JAKMIP3: variants seen among roughly 807,000 people sequenced by gnomAD.
JAKMIP3 encodes the protein Janus kinase and microtubule interacting protein 3.
Under a neutral mutation model 118.5 loss-of-function variants are expected in JAKMIP3, and 58 were observed. The ratio of observed to expected loss-of-function variants is 0.49; its 90% CI spans 0.40 to 0.61. The LOEUF (loss-of-function observed/expected upper bound fraction) is 0.61. Ranked by LOEUF, JAKMIP3 falls within the 20% of genes least tolerant of loss-of-function variation. The pLI, the probability that JAKMIP3 is intolerant of heterozygous loss-of-function variation, is 0.00. For missense variants in JAKMIP3, 950 were observed against 1,109.0 expected, an observed-to-expected ratio of 0.86 and a Z score of 2.04; for synonymous variants, 486 against 451.2, an observed-to-expected ratio of 1.08 and a Z score of -0.98.
At chr10:132,105,047 C>A in intron 2 of JAKMIP3, 104 bp downstream of exon 2, 2 of 1,339,402 alleles carry the variant, frequency 1.5e-6, no homozygotes, top group East Asian at 5.1e-5. Context: ...CCTGTGGAAA[C>A]CCCCACCCAG....
At position 132,068,071 on chromosome 10, in the gene JAKMIP3, ACTGTGGGTTTCTG is replaced by A. The variant is rs1192393597; in HGVS notation, c.-138+2011_-138+2023del. On this transcript the variant is annotated intron_variant, in intron 1 of 23. Coordinates refer to ENST00000684848, the MANE Select transcript of JAKMIP3 (RefSeq NM_001323087.2). ...GTGTGGACTGTGGGCTTCCGTGTGG[ACTGTGGGTTTCTG>A]TGTGGACTGTGGGTTTCTGTGTGGT... Among the ~76,000 whole-genome samples, 20 of 24,774 alleles carry A rather than the reference ACTGTGGGTTTCTG, an allele frequency of 8.1e-4. No individual in the cohort carries two copies. The East Asian group carries it at 0.031, about 38-fold the overall frequency. The allele number at this position is 24,774 out of a possible 152,430, so 16.3% of individuals were successfully genotyped here.
At position 132,049,664 on chromosome 10, in the gene JAKMIP3, A is replaced by G. The variant is rs9419327; in HGVS notation, c.-138+12926A>G. ...TCTGCCTTGTGTTTTTTCTTTTTTA[A>G]AAGTGGGGGAGGTCTCACTATGCTG... is the stretch of plus-strand genomic sequence containing the variant. On this transcript the variant is annotated intron_variant, in intron 1 of 23. Coordinates refer to the JAKMIP3 transcript ENST00000657785. This position sits in a 1 kb window ranked among gnomAD's most constrained non-coding sequence, Gnocchi z 4.3. Among the ~76,000 whole-genome samples, 6,226 of 151,754 alleles carry G rather than the reference A, an allele frequency of 0.041. 405 individuals carry two copies. Among genetic ancestry groups the G allele is most frequent in the African/African-American group, 0.14 (5,896 of 41,308 alleles).
chr10:132,092,772 A>G (rs1360931460), intron 1 of JAKMIP3, among the ~76,000 whole-genome samples: 3 of 152,206 alleles, frequency 2.0e-5, no homozygotes, highest in Non-Finnish European at 4.4e-5. Flanking sequence ...TCAACTCATC[A>G]AAGTCATTCT....
intron 19 of JAKMIP3, 148 bp downstream of exon 19, chr10:132,154,138 T>C (rs572274306): frequency 1.5e-6 from 1 of 660,688 alleles, no homozygotes; most frequent in South Asian, 1.9e-5. Context: ...CACAGCAGGC[T>C]CTGGCTCTCC....
intron 13 of JAKMIP3, among the ~76,000 whole-genome samples, chr10:132,145,833 C>T (rs964889856): frequency 6.6e-6 from 1 of 152,198 alleles, no homozygotes; most frequent in Non-Finnish European, 1.5e-5. Context: ...CTATCTGCAG[C>T]AGCATCTCCA....
chr10:132,118,534 G>A lies in JAKMIP3; in HGVS notation c.633+960G>A, dbSNP rs910617345. 6.6e-6 allele frequency among the ~76,000 whole-genome samples: 1 copy of A among 152,152 alleles called. No individual in the cohort carries two copies. Among genetic ancestry groups the A allele is most frequent in the Non-Finnish European group, 1.5e-5 (1 of 68,014 alleles). On this transcript the variant is annotated intron_variant, in intron 3 of 23. Transcript: ENST00000684848. This position sits in a 1 kb window ranked among gnomAD's most constrained non-coding sequence, Gnocchi z 4.8. ...CCTCTGCCTGCTTCCCGGGGCCTCC[G>A]GTCTCCAGGGATGGCCTCCAGGCTG... is the stretch of plus-strand genomic sequence containing the variant.
chr10:132,122,837 C>G (rs2048788593), intron 3 of JAKMIP3, among the ~76,000 whole-genome samples: 1 of 152,154 alleles, frequency 6.6e-6, no homozygotes, highest in Non-Finnish European at 1.5e-5. Context: ...CTCTCCCTGC[C>G]CAGAAGGTTG....
chr10:132,157,468 C>T (rs2057233554), intron 19 of JAKMIP3, among the ~76,000 whole-genome samples: 1 of 152,266 alleles, frequency 6.6e-6, no homozygotes, highest in South Asian at 2.1e-4. Context: ...TCCCGACACA[C>T]AAATGGAGAT....
At chr10:132,101,165 T>C (rs573162051) in intron 1 of JAKMIP3, among the ~76,000 whole-genome samples, 2 of 152,098 alleles carry the variant, frequency 1.3e-5, no homozygotes, top group African/African-American at 4.8e-5. Flanking sequence ...GGGAGGCCAG[T>C]CTGGGGAGCT....
rs868061419 is a variant in JAKMIP3, at chr10:132,048,698, T to C, written c.-138+11960T>C. On this transcript the variant is annotated intron_variant, in intron 1 of 23. Coordinates refer to the JAKMIP3 transcript ENST00000657785. ...TTTTTTTTTTGAGATGGAGTCTTGCTCTGTCACCCAGGCTAGAGTGCTCCG... is the reference window on the plus strand; with the variant it reads ...TTTTTTTTTTGAGATGGAGTCTTGCCCTGTCACCCAGGCTAGAGTGCTCCG... 1.6e-3 allele frequency among the ~76,000 whole-genome samples: 242 copies of C among 147,374 alleles called. 1 individual carries two copies. Among genetic ancestry groups the C allele is most frequent in the African/African-American group, 5.6e-3 (224 of 39,942 alleles).
intron 1 of JAKMIP3, among the ~76,000 whole-genome samples, chr10:132,078,619 C>G (rs12780456): frequency 0.024 from 3,145 of 132,290 alleles, no homozygotes; most frequent in Non-Finnish European, 0.038. Context: ...TCTCTGGGGG[C>G]GGGGGGGGGG....
chr10:132,150,689 C>T (rs1007293229), intron 16 of JAKMIP3, among the ~76,000 whole-genome samples: 4 of 151,946 alleles, frequency 2.6e-5, no homozygotes, highest in Admixed American at 2.0e-4. Context: ...TTCATTTATC[C>T]GTCCTCCATA....
At chr10:132,060,926 A>G (rs989559152), upstream of JAKMIP3, among the ~76,000 whole-genome samples, 20 of 152,328 alleles carry the variant, frequency 1.3e-4, no homozygotes, top group Non-Finnish European at 2.2e-4. Flanking sequence ...AGGATGAGGC[A>G]GGAGAATCGC....
At chr10:132,125,444 C>T (rs1482991610) in intron 3 of JAKMIP3, among the ~76,000 whole-genome samples, 3 of 152,276 alleles carry the variant, frequency 2.0e-5, no homozygotes, top group Non-Finnish European at 2.9e-5. Flanking sequence ...CGCCTTGCGG[C>T]GTTAGTACCA....
At chr10:132,137,977 C>G in intron 8 of JAKMIP3, 142 bp from the exon 9 acceptor site, 1 of 687,866 alleles carries the variant, frequency 1.5e-6, no homozygotes, top group Non-Finnish European at 2.4e-6. Context: ...GAGCCAGGGC[C>G]TCCCGCTGTG....
At chr10:132,098,840 C>T (rs2044382854) in intron 1 of JAKMIP3, among the ~76,000 whole-genome samples, 1 of 152,212 alleles carries the variant, frequency 6.6e-6, no homozygotes, top group Non-Finnish European at 1.5e-5. Flanking sequence ...GATCAGGAGC[C>T]GGGGGTGAAG....
Position 132,117,649 on chromosome 10 carries a change from G to T in JAKMIP3, c.633+75G>T, listed in dbSNP as rs1306330869. 7.9e-7 allele frequency: 1 copy of T among 1,268,774 alleles called. No homozygotes were observed. The highest frequency in any genetic ancestry group is 1.0e-6 in the Non-Finnish European group (1 of 976,470). 78.6% of individuals were successfully genotyped at this position (1,268,774 alleles called of 1,614,324 possible). On this transcript the variant is annotated intron_variant, in intron 3 of 23. Transcript: ENST00000684848. This position sits in a 1 kb window ranked among gnomAD's most constrained non-coding sequence, Gnocchi z 8.6. ...TGGGCGAGGGTGCAGGGGCGGGCGT[G>T]GGCGAGGGTGCAGGCGTGGGCTCGG...
intron 1 of JAKMIP3, among the ~76,000 whole-genome samples, chr10:132,099,478 A>G (rs745470077): frequency 3.9e-5 from 6 of 152,192 alleles, no homozygotes; most frequent in Non-Finnish European, 8.8e-5. Context: ...TAAGGAAAGT[A>G]TGAAGGTGCA....
At chr10:132,060,061 T>G (rs2038349506), upstream of JAKMIP3, among the ~76,000 whole-genome samples, 1 of 152,170 alleles carries the variant, frequency 6.6e-6, no homozygotes, top group Non-Finnish European at 1.5e-5. Flanking sequence ...TGAAGGAGGC[T>G]GCTGCGAAGA....
Sources: gnomAD v4.1 joint callset for allele counts (sites outside exome capture counted in the v4.1 genomes callset) on GRCh38, gnomAD v4.1.1 for gene constraint, Gnocchi (gnomAD v3.1) non-coding constraint, MANE v1.5 for transcripts, NCBI Gene and HGNC (gene_info 2026-07-23, HGNC 2026-07-21) for gene names.